EDIL3: variants seen among roughly 807,000 people sequenced by gnomAD.
The protein encoded by EDIL3 is EGF like and discoidin domains 3, also known as EGF-like repeat and discoidin I-like domain-containing protein 3.
A neutral mutation model predicts 67.4 loss-of-function variants in EDIL3; 37 were observed. The ratio of observed to expected loss-of-function variants is 0.55; its 90% CI spans 0.42 to 0.72. The LOEUF is 0.72. Among genes scored for constraint, EDIL3 ranks in the 30% least tolerant of loss-of-function variants. The probability of loss-of-function intolerance (pLI) is 0.00; values close to 1 mark genes in which losing one functional copy is unlikely to be tolerated. For synonymous variants in EDIL3, 195 were observed against 196.3 expected, an observed-to-expected ratio of 0.99 and a Z score of 0.05; for missense variants, 527 against 586.3, an observed-to-expected ratio of 0.90 and a Z score of 1.04.
chr5:84,196,179 G>GCAAAAA (rs1743699722), intron 3 of EDIL3, among the ~76,000 whole-genome samples: 11 of 151,858 alleles, frequency 7.2e-5, no homozygotes, highest in Admixed American at 5.9e-4. Context: ...ATGATTTATT[G>GCAAAAA]ATATTACTTT....
intron 1 of EDIL3, among the ~76,000 whole-genome samples, chr5:84,291,177 G>T (rs1745905516): frequency 6.6e-6 from 1 of 152,130 alleles, no homozygotes; most frequent in South Asian, 2.1e-4. Flanking sequence ...AGTGAGAAAA[G>T]AGCTGATAGG....
Position 84,239,167 on chromosome 5 carries a change from T to C in EDIL3, c.197-9283A>G, listed in dbSNP as rs78722775. Among the ~76,000 whole-genome samples, 812 of 152,326 alleles carry C rather than the reference T, an allele frequency of 5.3e-3. 6 individuals carry two copies. Among genetic ancestry groups the C allele is most frequent in the African/African-American group, 0.018 (735 of 41,570 alleles). On this transcript the variant is annotated intron_variant, in intron 2 of 10. Transcript: ENST00000296591. ...AAATATTTAAAAGCTATTGTAATTCTTTTCTTAACTGAGATAAATATCCCT... is the reference window on the plus strand; with the variant it reads ...AAATATTTAAAAGCTATTGTAATTCCTTTCTTAACTGAGATAAATATCCCT...
chr5:84,010,509 AT>A (rs1277406710), intron 9 of EDIL3, among the ~76,000 whole-genome samples: 12 of 152,030 alleles, frequency 7.9e-5, no homozygotes, highest in Non-Finnish European at 1.8e-4. Context: ...TACAGGTTCT[AT>A]TTCCTCCAAT....
rs371625483 is a variant in EDIL3, at chr5:84,053,311, G to A, written c.1137+6989C>T. 4.8e-4 allele frequency among the ~76,000 whole-genome samples: 73 copies of A among 152,256 alleles called. No homozygotes were observed. In the South Asian group the frequency reaches 0.014, roughly 29 times the overall value. On this transcript the variant is annotated intron_variant, in intron 9 of 10. Transcript: ENST00000296591. ...ATCTCTGGGACACATTCAAAGCAGT[G>A]GGTAGAGGGAAATTTATAGCACTAA...
chr5:84,118,876 G>A (rs1448948263), intron 5 of EDIL3, among the ~76,000 whole-genome samples: 2 of 152,092 alleles, frequency 1.3e-5, no homozygotes, highest in East Asian at 1.9e-4. Flanking sequence ...TGGGGTACGA[G>A]CCAGACATAT....
At chr5:83,971,225 T>C (rs1047815617) in intron 9 of EDIL3, among the ~76,000 whole-genome samples, 1 of 151,598 alleles carries the variant, frequency 6.6e-6, no homozygotes, top group Non-Finnish European at 1.5e-5. Flanking sequence ...GCATTAATCT[T>C]ACCTTCTCTA....
At chr5:84,308,230 C>T (rs1490803644) in intron 1 of EDIL3, among the ~76,000 whole-genome samples, 1 of 151,822 alleles carries the variant, frequency 6.6e-6, no homozygotes, top group Non-Finnish European at 1.5e-5. Flanking sequence ...GTCTTTATTA[C>T]AAATAAATTA....
At chr5:84,311,312 C>CG (rs1746382726) in intron 1 of EDIL3, among the ~76,000 whole-genome samples, 1 of 93,904 alleles carries the variant, frequency 1.1e-5, no homozygotes, top group Non-Finnish European at 2.5e-5. Context: ...AATGTATTTT[C>CG]TTTTTTTTTT....
intron 9 of EDIL3, among the ~76,000 whole-genome samples, chr5:83,991,060 C>T (rs543633735): frequency 1.3e-5 from 2 of 152,220 alleles, no homozygotes; most frequent in South Asian, 4.2e-4. Context: ...ACAGCAATAT[C>T]TTTAGGGTAC....
At chr5:84,141,967 C>CTATCTATG (rs1391676486) in intron 4 of EDIL3, among the ~76,000 whole-genome samples, 27 of 139,734 alleles carry the variant, frequency 1.9e-4, no homozygotes, top group Admixed American at 3.1e-4. Flanking sequence ...ATCTATCTAT[C>CTATCTATG]TATCTATCTA....
chr5:84,137,184 TACACACACACACAC>T (rs70975542), intron 5 of EDIL3, 43 bp downstream of exon 5: 32 of 901,888 alleles, frequency 3.5e-5, no homozygotes, highest in Middle Eastern at 2.3e-4. Context: ...TGTGTATACA[TACACACACACACAC>T]ACACACACAC....
chr5:84,368,725 T>G (rs1488999386), intron 1 of EDIL3, among the ~76,000 whole-genome samples: 1 of 151,928 alleles, frequency 6.6e-6, no homozygotes, highest in Non-Finnish European at 1.5e-5. Context: ...GCAAAACATA[T>G]CTGATAAGGA....
rs760168496 is a variant in EDIL3, at chr5:84,167,330, C to T, written c.355+13063G>A. ...GGAAAGTGTAGAACCAGAACAATAGCGTTCATGAGTTTGCCCCTTCCTTTC... is the reference window on the plus strand; with the variant it reads ...GGAAAGTGTAGAACCAGAACAATAGTGTTCATGAGTTTGCCCCTTCCTTTC... On this transcript the variant is annotated intron_variant, in intron 4 of 10. Coordinates refer to ENST00000296591, the MANE Select transcript of EDIL3 (RefSeq NM_005711.5). Among the ~76,000 whole-genome samples the T allele has an allele frequency of 3.3e-5, 5 of 151,970 alleles. No individual in the cohort carries two copies. The South Asian group carries it at 6.2e-4, about 19-fold the overall frequency.
At chr5:84,329,913 T>C (rs1458048257) in intron 1 of EDIL3, among the ~76,000 whole-genome samples, 5 of 152,078 alleles carry the variant, frequency 3.3e-5, no homozygotes, top group Non-Finnish European at 5.9e-5. Context: ...TGTCCAATAT[T>C]ATATAATTTG....
At chr5:84,343,431 T>G (rs577379438) in intron 1 of EDIL3, among the ~76,000 whole-genome samples, 6 of 152,236 alleles carry the variant, frequency 3.9e-5, no homozygotes, top group African/African-American at 1.2e-4. Context: ...TTTCTTGACA[T>G]TCATGCTTTG....
chr5:84,334,305 C>T (rs2112169533), intron 1 of EDIL3, among the ~76,000 whole-genome samples: 1 of 152,160 alleles, frequency 6.6e-6, no homozygotes, highest in Middle Eastern at 3.4e-3. Flanking sequence ...CTCAGGTGAT[C>T]CACCCACCTC....
At chr5:84,280,947 CAAAAAAAAAAAA>C (rs11302104) in intron 1 of EDIL3, among the ~76,000 whole-genome samples, 1 of 70,198 alleles carries the variant, frequency 1.4e-5, no homozygotes. Flanking sequence ...AAGACTCTGT[CAAAAAAAAAAAA>C]AAAAAAAAAA....
chr5:84,377,003 A>T (rs1277774483), intron 1 of EDIL3, among the ~76,000 whole-genome samples: 2 of 152,238 alleles, frequency 1.3e-5, no homozygotes, highest in African/African-American at 4.8e-5. Flanking sequence ...ATTAAAGTTC[A>T]TATAGTATTT....
At chr5:84,030,928 A>C (rs1745909286) in intron 9 of EDIL3, among the ~76,000 whole-genome samples, 1 of 151,224 alleles carries the variant, frequency 6.6e-6, no homozygotes, top group Non-Finnish European at 1.5e-5. Context: ...AAAAAACAAC[A>C]TTTTTTTTTC....
Sources: allele counts gnomAD v4.1 joint callset (sites outside exome capture counted in the v4.1 genomes callset), GRCh38; gene constraint gnomAD v4.1.1; transcripts MANE v1.5; gene names NCBI Gene and HGNC (gene_info 2026-07-23, HGNC 2026-07-21).